Variants in TMPRSS11D observed in about 807,000 individuals in gnomAD.
TMPRSS11D encodes transmembrane serine protease 11D, also known as transmembrane protease serine 11D.
A neutral mutation model predicts 44.4 loss-of-function variants in TMPRSS11D; 32 were observed. That is an observed-to-expected ratio of 0.72 (90% CI 0.54 to 0.97). The LOEUF (loss-of-function observed/expected upper bound fraction) is 0.97. Ranked by LOEUF, TMPRSS11D falls within the 50% of genes least tolerant of loss-of-function variation. The pLI, the probability that TMPRSS11D is intolerant of heterozygous loss-of-function variation, is 0.00. For missense variants in TMPRSS11D, 446 were observed against 502.6 expected (o/e 0.89, Z 1.08); for synonymous variants, 179 against 177.9 (o/e 1.01, Z -0.05).
intron 9 of TMPRSS11D, 30 bp from the exon 10 acceptor site, chr4:67,822,528 A>G: frequency 6.2e-7 from 1 of 1,613,030 alleles, no homozygotes; most frequent in Non-Finnish European, 8.5e-7. Context: ...CTGATTACTT[A>G]AGTGCAAAGA....
rs184509220 is a variant in TMPRSS11D, at chr4:67,883,468, G to A, written c.8+458C>T. Among the ~76,000 whole-genome samples the A allele has an allele frequency of 5.3e-5, 8 of 152,004 alleles. No individual in the cohort carries two copies. In the East Asian group the frequency reaches 7.7e-4, roughly 15 times the overall value. ...ACTATATAAAAAGTAGAAAAATACCGTCTTTACTTTCTAAAAGTGTACTTT... is the reference window on the plus strand; with the variant it reads ...ACTATATAAAAAGTAGAAAAATACCATCTTTACTTTCTAAAAGTGTACTTT... On this transcript the variant is annotated intron_variant, in intron 1 of 9. Transcript: ENST00000283916.
At chr4:67,868,570 G>A (rs1186341648) in intron 1 of TMPRSS11D, among the ~76,000 whole-genome samples, 1 of 152,180 alleles carries the variant, frequency 6.6e-6, no homozygotes, top group Non-Finnish European at 1.5e-5. Context: ...GAACAGAAGA[G>A]GTAGAAGTGC....
intron 1 of TMPRSS11D, among the ~76,000 whole-genome samples, chr4:67,868,603 G>A (rs573910374): frequency 6.6e-6 from 1 of 152,318 alleles, no homozygotes; most frequent in East Asian, 1.9e-4. Flanking sequence ...GCGAAAAGTA[G>A]TTGGCCCAGT....
intron 2 of TMPRSS11D, among the ~76,000 whole-genome samples, chr4:67,856,745 C>T (rs1432547679): frequency 6.6e-6 from 1 of 151,918 alleles, no homozygotes; most frequent in African/African-American, 2.4e-5. Flanking sequence ...TGACAAGAGA[C>T]TAATATCCAG....
chr4:67,874,730 G>T (rs1453178272), intron 1 of TMPRSS11D, among the ~76,000 whole-genome samples: 1 of 152,128 alleles, frequency 6.6e-6, no homozygotes, highest in Non-Finnish European at 1.5e-5. Flanking sequence ...CACATATTGG[G>T]TGAAATAATT....
chr4:67,842,823 A>G (rs553418049), intron 3 of TMPRSS11D, among the ~76,000 whole-genome samples, 198 bp from the exon 4 acceptor site: 1 of 152,302 alleles, frequency 6.6e-6, no homozygotes, highest in South Asian at 2.1e-4. Flanking sequence ...CTATTCCTTT[A>G]TCTGTTATAC....
In TMPRSS11D at chr4:67,864,087, T is replaced by C. The variant is rs1229212694; in HGVS notation, c.9-4409A>G. Among the ~76,000 whole-genome samples the C allele has an allele frequency of 2.1e-5, 3 of 144,068 alleles. No individual in the cohort carries two copies. The East Asian group carries it at 5.8e-4, about 28-fold the overall frequency. 94.5% of individuals were successfully genotyped at this position (144,068 alleles called of 152,430 possible). ...ACTTTAGAGAAAAATAAATTTTTAA[T>C]TAATTAGTTTAATTTATTTATTACT... is the stretch of plus-strand genomic sequence containing the variant. On this transcript the variant is annotated intron_variant, in intron 1 of 9. Transcript: ENST00000283916.
At chr4:67,873,909 C>G (rs1340830145) in intron 1 of TMPRSS11D, among the ~76,000 whole-genome samples, 1 of 152,054 alleles carries the variant, frequency 6.6e-6, no homozygotes, top group Non-Finnish European at 1.5e-5. Flanking sequence ...ATGTTCAAAG[C>G]CTTAACTTAT....
intron 1 of TMPRSS11D, among the ~76,000 whole-genome samples, chr4:67,863,524 A>G (rs1358335119): frequency 6.6e-6 from 1 of 151,998 alleles, no homozygotes; most frequent in Non-Finnish European, 1.5e-5. Flanking sequence ...ATGTCTTTCA[A>G]ATGAAGGAAA....
intron 7 of TMPRSS11D, among the ~76,000 whole-genome samples, chr4:67,829,244 A>G (rs1344070646): frequency 2.0e-5 from 3 of 152,064 alleles, no homozygotes; most frequent in African/African-American, 7.2e-5. Context: ...GATGGACGAT[A>G]TGGCTGGTAT....
chr4:67,845,339 A>C (rs1454920186), intron 3 of TMPRSS11D, among the ~76,000 whole-genome samples: 1 of 152,200 alleles, frequency 6.6e-6, no homozygotes, highest in Non-Finnish European at 1.5e-5. Context: ...AGATGCTTGA[A>C]GAGTATTCTA....
rs1169774604 is a variant in TMPRSS11D, at chr4:67,859,672, T to C, written c.15A>G (p.Ala5=). 1 of 1,612,826 alleles carries C rather than the reference T, an allele frequency of 6.2e-7. No homozygotes were observed. The highest frequency in any genetic ancestry group is 1.7e-5 in the Admixed American group (1 of 59,876). Residue 5 remains alanine, a synonymous_variant, in exon 2 of 10, where the codon GCA becomes GCG. Coordinates refer to ENST00000283916, the MANE Select transcript of TMPRSS11D (RefSeq NM_004262.3). ...GAAATCTTGAAGTCGAAGTTACACG[T>C]GCTGGCCTTACAAGAGAGAGAGATC... The part of the protein sequence containing the change: MYRP[A]RVTSTSRFLN...
At chr4:67,868,111 A>ATATATATATATATATATAT in intron 1 of TMPRSS11D, among the ~76,000 whole-genome samples, 1 of 142,206 alleles carries the variant, frequency 7.0e-6, no homozygotes, top group African/African-American at 3.1e-5. Flanking sequence ...TATATATATG[A>ATATATATATATATATATAT]ATACTACTCA....
intron 1 of TMPRSS11D, among the ~76,000 whole-genome samples, chr4:67,875,954 T>C (rs1719180444): frequency 6.6e-6 from 1 of 152,202 alleles, no homozygotes; most frequent in African/African-American, 2.4e-5. Flanking sequence ...GAAGGTAGGC[T>C]CTGTCTACCT....
chr4:67,873,837 C>A (rs951121984), intron 1 of TMPRSS11D, among the ~76,000 whole-genome samples: 17 of 151,988 alleles, frequency 1.1e-4, no homozygotes, highest in Non-Finnish European at 2.5e-4. Context: ...ATAATAGATC[C>A]TTCTCTGTTT....
At chr4:67,841,001 A>G (rs1718214657) in intron 4 of TMPRSS11D, among the ~76,000 whole-genome samples, 1 of 152,186 alleles carries the variant, frequency 6.6e-6, no homozygotes, top group Admixed American at 6.6e-5. Context: ...CTCTACATAC[A>G]TAGATAAAAG....
At chr4:67,822,808 C>T (rs1717682375) in intron 9 of TMPRSS11D, among the ~76,000 whole-genome samples, 1 of 152,170 alleles carries the variant, frequency 6.6e-6, no homozygotes, top group African/African-American at 2.4e-5. Context: ...CAACCTTTTT[C>T]CTTCACACTC....
intron 1 of TMPRSS11D, among the ~76,000 whole-genome samples, chr4:67,877,161 T>G (rs1719211784): frequency 6.6e-6 from 1 of 152,312 alleles, no homozygotes; most frequent in South Asian, 2.1e-4. Flanking sequence ...TAAAAAAATT[T>G]TTTTTTAAAT....
At chr4:67,834,950 C>T (rs1310444169) in intron 6 of TMPRSS11D, 133 bp downstream of exon 6, 2 of 777,566 alleles carry the variant, frequency 2.6e-6, no homozygotes, top group African/African-American at 1.7e-5. Flanking sequence ...CTTGTTTCAA[C>T]ACCACCTGAG....
Sources: gnomAD v4.1 joint callset for allele counts (sites outside exome capture counted in the v4.1 genomes callset) on GRCh38, gnomAD v4.1.1 for gene constraint, MANE v1.5 for transcripts, NCBI Gene and HGNC (gene_info 2026-07-23, HGNC 2026-07-21) for gene names.